Variants in COL4A4 observed in about 807,000 individuals in gnomAD.
COL4A4 encodes collagen alpha-4(IV) chain.
In COL4A4, 105 loss-of-function variants were observed where a neutral mutation model predicts 192.9. The ratio of observed to expected loss-of-function variants is 0.54; its 90% CI spans 0.46 to 0.64. COL4A4 has a LOEUF of 0.64. Among genes scored for constraint, COL4A4 ranks in the 30% least tolerant of loss-of-function variants. The pLI is 0.00. For missense variants in COL4A4, 1,967 were observed against 2,169.3 expected (o/e 0.91, Z 1.85); for synonymous variants, 762 against 769.9 (o/e 0.99, Z 0.17).
At chr2:227,032,331 T>C (rs1968609896) in intron 38 of COL4A4, 55 bp from the exon 39 acceptor site, 7 of 1,561,484 alleles carry the variant, frequency 4.5e-6, no homozygotes, top group African/African-American at 2.7e-5. Context: ...GTCCCTGTTA[T>C]AGTGCCTGAA....
chr2:227,007,374 G>A lies in COL4A4; in HGVS notation c.5024C>T (p.Ala1675Val). The change falls in exon 48 of 48, where the codon GCC (alanine) becomes GTC (valine). Residue 1675 changes from alanine (A) to valine (V), a missense_variant. Coordinates refer to ENST00000396625, the MANE Select transcript of COL4A4 (RefSeq NM_000092.5). ...GCACCGGCTGATTTTCTGGCGTTGG[G>A]CCTGGCTTTCTTTTAAGGTGTCTGG... ...PAPDTLKESQ[A>V]QRQKISRCQV... is the part of the protein sequence containing the mutation. 1 of 1,614,234 alleles carries A rather than the reference G, an allele frequency of 6.2e-7. No individual in the cohort carries two copies. Among genetic ancestry groups the A allele is most frequent in the Non-Finnish European group, 8.5e-7 (1 of 1,180,044 alleles).
chr2:227,071,797 T>C (rs973601400), intron 25 of COL4A4, among the ~76,000 whole-genome samples: 2 of 152,090 alleles, frequency 1.3e-5, no homozygotes, highest in African/African-American at 4.8e-5. Flanking sequence ...TCCTGAATGA[T>C]ATCTGGGTTA....
chr2:227,156,938 C>A (rs573069930), intron 1 of COL4A4, among the ~76,000 whole-genome samples: 3 of 152,174 alleles, frequency 2.0e-5, no homozygotes, highest in Non-Finnish European at 2.9e-5. Flanking sequence ...AAGTATAATA[C>A]CAGTTAAGAC....
At chr2:227,065,517 C>T (rs1250495513) in intron 25 of COL4A4, among the ~76,000 whole-genome samples, 8 of 152,280 alleles carry the variant, frequency 5.3e-5, no homozygotes, top group Admixed American at 2.0e-4. Context: ...TCTCCCAGCA[C>T]ACAGCTGGAG....
intron 1 of COL4A4, among the ~76,000 whole-genome samples, chr2:227,162,656 A>C (rs2064937278): frequency 6.6e-6 from 1 of 152,220 alleles, no homozygotes; most frequent in African/African-American, 2.4e-5. Flanking sequence ...TCTACTAAGA[A>C]TATATCCTAA....
rs1427442513 is a variant in COL4A4, at chr2:227,028,023, A to G, written c.3974-14T>C. ...ATCCCACTGGTCCTTAAAAAAAAAC[A>G]AAACATAAAAATGAGGGCACTGGAA... On this transcript the variant is annotated splice_polypyrimidine_tract_variant and intron_variant, in intron 41 of 47. Transcript: ENST00000396625. 1.3e-6 allele frequency: 2 copies of G among 1,519,002 alleles called. No individual in the cohort carries two copies. Among genetic ancestry groups the G allele is most frequent in the Non-Finnish European group, 1.8e-6 (2 of 1,102,232 alleles). 94.1% of individuals were successfully genotyped at this position (1,519,002 alleles called of 1,614,324 possible). A position where few individuals can be genotyped will look rare whatever the true frequency, so the allele number is the denominator to read the frequency against.
At chr2:227,025,852 T>C in intron 42 of COL4A4, 42 bp from the exon 43 acceptor site, 1 of 1,597,954 alleles carries the variant, frequency 6.3e-7, no homozygotes, top group Middle Eastern at 1.7e-4. Flanking sequence ...AGTCCATGAT[T>C]TTCACAGGGT....
At chr2:227,104,698 T>A (rs1267206606) in intron 12 of COL4A4, among the ~76,000 whole-genome samples, 2 of 139,226 alleles carry the variant, frequency 1.4e-5, no homozygotes, top group Non-Finnish European at 3.1e-5. Flanking sequence ...CAGAGTGCAA[T>A]GACGCGATCT....
At chr2:226,989,982 C>G in the COL4A4 span, among the ~76,000 whole-genome samples, 23 of 152,270 alleles carry the variant, frequency 1.5e-4, no homozygotes, top group South Asian at 4.8e-3. Flanking sequence ...GATAGAAATG[C>G]GAATGTTTTC....
chr2:227,163,390 G>A (rs2065009888), intron 1 of COL4A4, among the ~76,000 whole-genome samples: 1 of 152,236 alleles, frequency 6.6e-6, no homozygotes, highest in Non-Finnish European at 1.5e-5. Flanking sequence ...GCTATTTAAT[G>A]CAATAATGAT....
At chr2:227,151,852 C>A (rs1271510684) in intron 1 of COL4A4, among the ~76,000 whole-genome samples, 1 of 152,170 alleles carries the variant, frequency 6.6e-6, no homozygotes, top group Non-Finnish European at 1.5e-5. Context: ...CAGCCTGCAC[C>A]AGACACTGAA....
At chr2:227,061,090 T>C (rs1049994919) in intron 26 of COL4A4, among the ~76,000 whole-genome samples, 2 of 152,190 alleles carry the variant, frequency 1.3e-5, no homozygotes, top group African/African-American at 4.8e-5. Flanking sequence ...AAATAACTTA[T>C]AAATCATAAA....
chr2:227,162,697 C>T (rs543187811), intron 1 of COL4A4, among the ~76,000 whole-genome samples: 1 of 152,236 alleles, frequency 6.6e-6, no homozygotes, highest in African/African-American at 2.4e-5. Flanking sequence ...TTCACATGTT[C>T]GTGAAAACAG....
Position 227,051,042 on chromosome 2 carries a change from G to C in COL4A4, c.3085C>G (p.Pro1029Ala). Residue 1029 changes from proline (P) to alanine (A), a missense_variant, in exon 33 of 48, where the codon CCA (proline) becomes GCA (alanine). Pro to Ala is a conservative substitution (Grantham distance 27). Coordinates refer to ENST00000396625, the MANE Select transcript of COL4A4 (RefSeq NM_000092.5). ...EKGQPGPPGPPGPPGSTGLRG... is the reference protein window; with the variant it reads ...EKGQPGPPGPAGPPGSTGLRG... ...AGACCAGTTGAGCCTGGAGGGCCTG[G>C]GGGTCCAGGAGGCCCTGGCTGACCT... The C allele has an allele frequency of 6.2e-7, 1 of 1,614,176 alleles. No individual in the cohort carries two copies. Among genetic ancestry groups the C allele is most frequent in the Non-Finnish European group, 8.5e-7 (1 of 1,180,024 alleles).
intron 22 of COL4A4, among the ~76,000 whole-genome samples, chr2:227,087,894 C>T (rs2059688692): frequency 6.6e-6 from 1 of 152,174 alleles, no homozygotes; most frequent in Non-Finnish European, 1.5e-5. Context: ...CTGCTCTGCC[C>T]CTCTCTCTCT....
At chr2:227,156,785 G>C (rs986856659) in intron 1 of COL4A4, among the ~76,000 whole-genome samples, 1 of 151,878 alleles carries the variant, frequency 6.6e-6, no homozygotes, top group African/African-American at 2.4e-5. Flanking sequence ...TAATATTGCA[G>C]GAAGCTATAA....
intron 37 of COL4A4, 108 bp from the exon 38 acceptor site, chr2:227,033,589 A>C: frequency 1.1e-6 from 1 of 892,990 alleles, no homozygotes; most frequent in South Asian, 1.4e-5. Flanking sequence ...TGGGGCCAGC[A>C]AACAGCTCTG....
At chr2:227,082,710 T>C (rs912888059) in intron 22 of COL4A4, among the ~76,000 whole-genome samples, 1 of 152,180 alleles carries the variant, frequency 6.6e-6, no homozygotes, top group Admixed American at 6.5e-5. Context: ...AAGTTTGTGA[T>C]GAAAAAGGCA....
the COL4A4 span, among the ~76,000 whole-genome samples, chr2:226,982,181 C>T: frequency 6.6e-6 from 1 of 152,240 alleles, no homozygotes; most frequent in East Asian, 1.9e-4. Flanking sequence ...CTCAGCCCTG[C>T]CCCTAATGAT....
Sources: gnomAD v4.1 joint callset for allele counts (sites outside exome capture counted in the v4.1 genomes callset) on GRCh38, gnomAD v4.1.1 for gene constraint, MANE v1.5 for transcripts, NCBI Gene and HGNC (gene_info 2026-07-23, HGNC 2026-07-21) for gene names.